The following RNF17 variants were observed in gnomAD, a reference collection of about 807,000 sequenced individuals.
The protein encoded by RNF17 is ring finger protein 17, also known as spermatogenesis associated 23.
Under a neutral mutation model 200.5 loss-of-function variants are expected in RNF17, and 31 were observed. That is an observed-to-expected ratio of 0.15 (90% CI 0.12 to 0.21). RNF17 has a LOEUF of 0.21. RNF17 is among the 10% of genes least tolerant of loss of function. RNF17 has a pLI of 1.00. For synonymous variants in RNF17, 606 were observed against 637.8 expected (o/e 0.95, Z 0.75); for missense variants, 1,628 against 1,905.1 (o/e 0.85, Z 2.71).
chr13:24,843,504 C>T (rs1349181773), intron 19 of RNF17, among the ~76,000 whole-genome samples: 37 of 151,876 alleles, frequency 2.4e-4, no homozygotes, highest in Admixed American at 2.1e-3. Context: ...GGTGACAGAG[C>T]GAGACTCCAT....
At chr13:24,796,396 T>C in intron 11 of RNF17, 101 bp downstream of exon 11, 1 of 719,306 alleles carries the variant, frequency 1.4e-6, no homozygotes, top group Non-Finnish European at 2.1e-6. Context: ...ATTTTTGCTC[T>C]AAGTTCATTT....
At chr13:24,752,088 T>C in the RNF17 span, 1 of 152,294 alleles carries the variant, frequency 6.6e-6, no homozygotes, top group African/African-American at 2.4e-5. Context: ...AATATCCGTA[T>C]CATGGGAAAA....
intron 4 of RNF17, among the ~76,000 whole-genome samples, chr13:24,779,205 T>A (rs914291879): frequency 1.3e-5 from 2 of 150,928 alleles, no homozygotes; most frequent in African/African-American, 2.4e-5. Context: ...AAAAAAAAAA[T>A]AAAAAGAAAA....
chr13:24,789,390 C>G lies in RNF17; in HGVS notation c.826C>G (p.Gln276Glu). Residue 276 changes from glutamine (Q) to glutamate (E), a missense_variant, in exon 8 of 36, where the codon CAA (glutamine) becomes GAA (glutamate). Coordinates refer to ENST00000255324, the MANE Select transcript of RNF17 (RefSeq NM_031277.3). ...GTTAACTTCAGATAGTGAATTAGCA[C>G]AAGTTAGTTCTCCACAACTAAGGAA... ...LQLTSDSELAQVSSPQLRNPP... is the reference protein window; with the variant it reads ...LQLTSDSELAEVSSPQLRNPP... 1 of 1,604,610 alleles carries G rather than the reference C, an allele frequency of 6.2e-7. No homozygotes were observed. The highest frequency in any genetic ancestry group is 2.2e-5 in the East Asian group (1 of 44,662).
chr13:24,886,848 C>G, the RNF17 span, among the ~76,000 whole-genome samples: 4 of 152,164 alleles, frequency 2.6e-5, no homozygotes, highest in Admixed American at 6.5e-5. Flanking sequence ...AACCAGGATT[C>G]AAACCCACTA....
chr13:24,825,401 G>A (rs1888511656), intron 15 of RNF17, among the ~76,000 whole-genome samples: 2 of 152,144 alleles, frequency 1.3e-5, no homozygotes, highest in Non-Finnish European at 2.9e-5. Context: ...ACACTAAGTT[G>A]TCTAGCAGAA....
chr13:24,781,870 G>C lies in RNF17; in HGVS notation c.537G>C (p.Thr179=), dbSNP rs267603788. The C allele has an allele frequency of 1.2e-6, 2 of 1,610,648 alleles. No individual in the cohort carries two copies. The highest frequency in any genetic ancestry group is 3.4e-5 in the Admixed American group (2 of 59,462). The part of the protein sequence containing the change: ...GKALEHMQKQ[T]IEERERVIEV... The stretch of plus-strand genomic sequence containing the variant: ...CACTTGAACACATGCAGAAGCAAAC[G>C]ATAGAGGAAAGAGAAAGAGTTATAG... Residue 179 remains threonine, a synonymous_variant, in exon 6 of 36, where the codon ACG becomes ACC. Transcript: ENST00000255324.
rs753455593 is a variant in RNF17 at position 24,859,008 on chromosome 13, G to A, written c.3618G>A (p.Glu1206=). ...TTTAATACTTTTTTTCAGAATTTGAGCTAATAAAAATGACAAATGAAATTC... is the reference window on the plus strand; with the variant it reads ...TTTAATACTTTTTTTCAGAATTTGAACTAATAAAAATGACAAATGAAATTC... The part of the protein sequence containing the change: ...IFVVPKLSEF[E]LIKMTNEIQS... Residue 1206 remains glutamate, a synonymous_variant, in exon 26 of 36, where the codon GAG becomes GAA. Transcript: ENST00000255324. The A allele has an allele frequency of 1.9e-6, 3 of 1,567,884 alleles. No individual in the cohort carries two copies. In the East Asian group the frequency reaches 6.7e-5, roughly 35 times the overall value.
chr13:24,854,409 C>A (rs562242335), intron 25 of RNF17, among the ~76,000 whole-genome samples: 7 of 151,956 alleles, frequency 4.6e-5, no homozygotes, highest in Admixed American at 1.3e-4. Context: ...TTTGGAATTT[C>A]CATTTCCACT....
At chr13:24,832,711 A>C (rs979592711) in intron 18 of RNF17, among the ~76,000 whole-genome samples, 1 of 152,032 alleles carries the variant, frequency 6.6e-6, no homozygotes, top group African/African-American at 2.4e-5. Flanking sequence ...CCTGGCCCCA[A>C]GGGTTTTAGA....
chr13:24,788,134 T>A lies in RNF17; in HGVS notation c.758T>A (p.Leu253Gln). The A allele has an allele frequency of 6.3e-7, 1 of 1,590,908 alleles. No homozygotes were observed. The highest frequency in any genetic ancestry group is 8.5e-7 in the Non-Finnish European group (1 of 1,173,978). Reference protein sequence around the residue: ...IARALQLSPSLRTYCDLNQII... With the variant: ...IARALQLSPSQRTYCDLNQII... The stretch of plus-strand genomic sequence containing the variant: ...AGAGCATTACAATTATCGCCTTCTC[T>A]AAGAACATACTGTGACCTGAATCAG... Residue 253 changes from leucine (L) to glutamine (Q), a missense_variant, in exon 7 of 36, where the codon CTA (leucine) becomes CAA (glutamine). This residue lies in a region of RNF17 where 502 missense variants were observed against 501.7 expected (regional missense o/e 1.00). Transcript: ENST00000255324.
chr13:24,812,003 A>C (rs1300236811), intron 15 of RNF17, among the ~76,000 whole-genome samples: 3 of 151,944 alleles, frequency 2.0e-5, no homozygotes, highest in Non-Finnish European at 4.4e-5. Flanking sequence ...GCCCATTCTC[A>C]GATCTCCAGC....
At chr13:24,771,352 G>GTTTT (rs1566113539) in intron 2 of RNF17, among the ~76,000 whole-genome samples, 7 of 68,192 alleles carry the variant, frequency 1.0e-4, no homozygotes, top group Admixed American at 4.1e-4. Flanking sequence ...TTTTTTTTTG[G>GTTTT]AAGAGGTGAA....
upstream of RNF17, among the ~76,000 whole-genome samples, chr13:24,763,360 G>A (rs557094673): frequency 3.5e-5 from 5 of 141,694 alleles, no homozygotes; most frequent in East Asian, 6.4e-4. Flanking sequence ...CCACCGCCAC[G>A]TCCGGCTAAT....
the RNF17 span, chr13:24,886,202 A>G: frequency 3.5e-3 from 2,450 of 708,926 alleles, 47 homozygotes; most frequent in African/African-American, 0.036. Context: ...TTTTCATCCT[A>G]TGTGCCAATG....
intron 2 of RNF17, among the ~76,000 whole-genome samples, chr13:24,770,029 A>G (rs1483694393): frequency 6.6e-6 from 1 of 152,202 alleles, no homozygotes; most frequent in Non-Finnish European, 1.5e-5. Context: ...GCATTTTATT[A>G]ACTTTTGGAC....
intron 12 of RNF17, 98 bp from the exon 13 acceptor site, chr13:24,800,268 A>T: frequency 1.2e-6 from 1 of 808,756 alleles, no homozygotes; most frequent in Non-Finnish European, 1.9e-6. Flanking sequence ...GGTGTAACTT[A>T]AGAAAAATTA....
chr13:24,788,963 T>C (rs559611417), intron 7 of RNF17, among the ~76,000 whole-genome samples: 86 of 152,160 alleles, frequency 5.7e-4, no homozygotes, highest in Non-Finnish European at 9.3e-4. Context: ...AAAACAATAA[T>C]AGTTGTTTCC....
In RNF17 at chr13:24,792,354, C is replaced by T. The variant is rs148645728; in HGVS notation, c.936-688C>T. On this transcript the variant is annotated intron_variant, in intron 9 of 35. Transcript: ENST00000255324. Reference sequence around the variant, plus strand: ...TGCACAGTAAGAGCAGGTATTCAAACAGGTCAAGGACAATACCCTGGAAGG... The same window carrying T: ...TGCACAGTAAGAGCAGGTATTCAAATAGGTCAAGGACAATACCCTGGAAGG... Among the ~76,000 whole-genome samples the T allele has an allele frequency of 7.3e-4, 111 of 152,058 alleles. 2 individuals carry two copies. The highest frequency in any genetic ancestry group is 1.0e-4 in the Non-Finnish European group (7 of 67,984).
Sources: allele counts gnomAD v4.1 joint callset (sites outside exome capture counted in the v4.1 genomes callset), GRCh38; gene constraint gnomAD v4.1.1; regional missense constraint gnomAD v4.1.1; transcripts MANE v1.5; gene names NCBI Gene and HGNC (gene_info 2026-07-23, HGNC 2026-07-21).